Variants in KIF13B observed in about 807,000 individuals in gnomAD.
KIF13B encodes the protein kinesin family member 13B.
A neutral mutation model predicts 222.0 loss-of-function variants in KIF13B; 127 were observed. That is an observed-to-expected ratio of 0.57 (90% CI 0.50 to 0.66). The LOEUF is 0.66. Ranked by LOEUF, KIF13B falls within the 30% of genes least tolerant of loss-of-function variation. KIF13B has a pLI of 0.00. For missense variants in KIF13B, 2,173 were observed against 2,379.0 expected (o/e 0.91, Z 1.80); for synonymous variants, 976 against 919.0 (o/e 1.06, Z -1.12).
chr8:29,181,998 T>A lies in KIF13B; in HGVS notation c.506A>T (p.Gln169Leu), dbSNP rs1306106845. Reference sequence around the variant, plus strand: ...ACTATGCTCTCTGACTTTCAACGTCTGACGGCTTCTGTTCATGAAAAACAA... The same window carrying A: ...ACTATGCTCTCTGACTTTCAACGTCAGACGGCTTCTGTTCATGAAAAACAA... ...RDLLDPKGSR[Q>L]TLKVREHSVL... Residue 169 changes from glutamine to leucine, a missense_variant, in exon 7 of 40, where the codon CAG becomes CTG. By Grantham distance (113) the Gln-to-Leu change is moderately radical. This residue lies in a region of KIF13B where 1,480 missense variants were observed against 1,722.8 expected (regional missense o/e 0.86). Coordinates refer to ENST00000524189, the MANE Select transcript of KIF13B (RefSeq NM_015254.4). 4 of 1,612,476 alleles carry A rather than the reference T, an allele frequency of 2.5e-6. No individual in the cohort carries two copies. The highest frequency in any genetic ancestry group is 3.4e-6 in the Non-Finnish European group (4 of 1,179,220).
intron 6 of KIF13B, among the ~76,000 whole-genome samples, chr8:29,184,389 C>T (rs974651438): frequency 2.6e-5 from 4 of 152,206 alleles, no homozygotes; most frequent in Non-Finnish European, 5.9e-5. Flanking sequence ...TGAGCACTTA[C>T]TGTATGCCAG....
intron 1 of KIF13B, among the ~76,000 whole-genome samples, chr8:29,259,274 T>C (rs1055114965): frequency 6.6e-6 from 1 of 152,204 alleles, no homozygotes; most frequent in African/African-American, 2.4e-5. Context: ...TTTCACCACA[T>C]CAAGTATTGG....
intron 1 of KIF13B, among the ~76,000 whole-genome samples, chr8:29,262,470 C>T (rs1485426570): frequency 6.6e-6 from 1 of 152,154 alleles, no homozygotes; most frequent in Non-Finnish European, 1.5e-5. Flanking sequence ...GGCCCCCTGC[C>T]CTTCTTCCCG....
chr8:29,241,853 AT>A (rs34946980), intron 2 of KIF13B, among the ~76,000 whole-genome samples: 1 of 152,130 alleles, frequency 6.6e-6, no homozygotes, highest in South Asian at 2.1e-4. Flanking sequence ...GAGACAAAAT[AT>A]TTTTTTTAAA....
At chr8:29,176,253 A>G in intron 9 of KIF13B, 74 bp from the exon 10 acceptor site, 2 of 896,540 alleles carry the variant, frequency 2.2e-6, no homozygotes, top group Non-Finnish European at 3.6e-6. Flanking sequence ...ACAAAGATTG[A>G]ACACTAAGAT....
chr8:29,129,631 T>C (rs1810259989), intron 24 of KIF13B, among the ~76,000 whole-genome samples: 1 of 138,518 alleles, frequency 7.2e-6, no homozygotes. Flanking sequence ...TCCTAAACAA[T>C]GCATTAAAGT....
intron 2 of KIF13B, among the ~76,000 whole-genome samples, chr8:29,233,363 G>A (rs534419242): frequency 1.3e-5 from 2 of 152,300 alleles, no homozygotes; most frequent in South Asian, 4.1e-4. Flanking sequence ...TGAACTTATA[G>A]AACTACTTGC....
At chr8:29,248,440 T>C (rs1816131786) in intron 1 of KIF13B, among the ~76,000 whole-genome samples, 1 of 152,236 alleles carries the variant, frequency 6.6e-6, no homozygotes, top group Non-Finnish European at 1.5e-5. Context: ...AGATGTTTAA[T>C]GGACTCACAG....
intron 2 of KIF13B, among the ~76,000 whole-genome samples, chr8:29,211,079 G>C (rs968996259): frequency 1.3e-5 from 2 of 152,222 alleles, no homozygotes; most frequent in African/African-American, 4.8e-5. Context: ...TGTGCTTTCC[G>C]TAAGACTGAG....
rs772311578 is a variant in KIF13B, at chr8:29,188,545, T to C, written c.286A>G (p.Asn96Asp). ...TGTCCATAGGCAAAGATACATGCAT[T>C]GTAGCCATCAAAAGCATTCTGCAGG... The part of the protein sequence containing the change: ...NILQNAFDGY[N>D]ACIFAYGQTG... The change falls in exon 5 of 40, where the codon AAT becomes GAT. Residue 96 changes from asparagine to aspartate, a missense_variant. Physicochemically the swap from Asn to Asp is conservative, Grantham distance 23. Coordinates refer to ENST00000524189, the MANE Select transcript of KIF13B (RefSeq NM_015254.4). 3 of 1,611,476 alleles carry C rather than the reference T, an allele frequency of 1.9e-6. No homozygotes were observed. The highest frequency in any genetic ancestry group is 2.2e-5 in the South Asian group (2 of 90,984).
rs539837419 is a variant in KIF13B at position 29,111,671 on chromosome 8, G to A, written c.3931-1601C>T. ...AAAGCACTTTTTTTAAAAGGCATAA[G>A]AAACTAAGTGGGAGAGAAGGAAAAG... On this transcript the variant is annotated intron_variant, in intron 32 of 39. Transcript: ENST00000524189. Among the ~76,000 whole-genome samples the A allele has an allele frequency of 2.5e-3, 375 of 152,194 alleles. 1 individual carries two copies. The highest frequency in any genetic ancestry group is 3.1e-3 in the Non-Finnish European group (213 of 67,982).
At chr8:29,129,909 A>T (rs1424215350) in intron 24 of KIF13B, among the ~76,000 whole-genome samples, 1 of 152,216 alleles carries the variant, frequency 6.6e-6, no homozygotes, top group Non-Finnish European at 1.5e-5. Flanking sequence ...ATGTCTACAT[A>T]ACAGGCGAAG....
intron 35 of KIF13B, among the ~76,000 whole-genome samples, chr8:29,102,679 C>A (rs971077977): frequency 1.2e-4 from 19 of 152,192 alleles, no homozygotes; most frequent in African/African-American, 4.6e-4. Context: ...CGAGAAGTGC[C>A]AGTGACATTT....
At chr8:29,146,215 AGAG>A in intron 18 of KIF13B, 160 bp downstream of exon 18, 1 of 695,084 alleles carries the variant, frequency 1.4e-6, no homozygotes, top group Non-Finnish European at 2.6e-6. Flanking sequence ...ACTCAAAGGT[AGAG>A]AATGGAAAAG....
intron 13 of KIF13B, among the ~76,000 whole-genome samples, chr8:29,159,015 A>T (rs1467458056): frequency 6.6e-6 from 1 of 152,248 alleles, no homozygotes; most frequent in African/African-American, 2.4e-5. Context: ...TTTAGGTCCT[A>T]TTCTAACATC....
intron 29 of KIF13B, 90 bp from the exon 30 acceptor site, chr8:29,119,082 CT>C: frequency 7.5e-7 from 1 of 1,342,108 alleles, no homozygotes; most frequent in Non-Finnish European, 1.0e-6. Flanking sequence ...TACAATTCTT[CT>C]GCTTCAAATT....
chr8:29,170,785 T>C (rs1812203032), intron 10 of KIF13B, among the ~76,000 whole-genome samples: 1 of 152,086 alleles, frequency 6.6e-6, no homozygotes, highest in Admixed American at 6.5e-5. Context: ...ATTAAAGAAT[T>C]TGGACTCTGT....
At chr8:29,251,061 G>C (rs1216981040) in intron 1 of KIF13B, among the ~76,000 whole-genome samples, 2 of 151,960 alleles carry the variant, frequency 1.3e-5, no homozygotes, top group Admixed American at 1.3e-4. Context: ...CAAGGCGGAA[G>C]AATCACTTGA....
chr8:29,242,442 G>A (rs951592193), intron 2 of KIF13B, among the ~76,000 whole-genome samples: 2 of 152,204 alleles, frequency 1.3e-5, no homozygotes, highest in Non-Finnish European at 2.9e-5. Flanking sequence ...TAAAGATTTA[G>A]TCATTTAAAG....
Sources: allele counts gnomAD v4.1 joint callset (sites outside exome capture counted in the v4.1 genomes callset), GRCh38; gene constraint gnomAD v4.1.1; regional missense constraint gnomAD v4.1.1; transcripts MANE v1.5; gene names NCBI Gene and HGNC (gene_info 2026-07-23, HGNC 2026-07-21).